Variants in GADL1 observed in about 807,000 individuals in gnomAD.
The protein encoded by GADL1 is acidic amino acid decarboxylase GADL1.
A neutral mutation model predicts 69.5 loss-of-function variants in GADL1; 71 were observed. That is an observed-to-expected ratio of 1.02 (90% CI 0.84 to 1.25). The LOEUF is 1.25. GADL1 is among the 50% of genes most tolerant of loss of function. GADL1 has a pLI of 0.00. For missense variants in GADL1, 737 were observed against 631.8 expected (o/e 1.17, Z -1.79); for synonymous variants, 254 against 214.4 (o/e 1.18, Z -1.62).
At position 30,727,556 on chromosome 3, in the gene GADL1, C is replaced by G. The variant is rs567642720; in HGVS notation, c.*686G>C. The G allele has an allele frequency of 1.1e-4, 17 of 152,178 alleles. No homozygotes were observed. In the South Asian group the frequency reaches 3.1e-3, roughly 28 times the overall value. 9.4% of individuals were successfully genotyped at this position (152,178 alleles called of 1,614,324 possible). ...ATACAGTTTCTCTCTTTAAAAATAGCTTTGACATGCTTCTGATGTCCTTAA... is the reference window on the plus strand; with the variant it reads ...ATACAGTTTCTCTCTTTAAAAATAGGTTTGACATGCTTCTGATGTCCTTAA... On this transcript the variant is annotated 3_prime_UTR_variant, in exon 15 of 15. Coordinates refer to ENST00000282538, the MANE Select transcript of GADL1 (RefSeq NM_207359.3).
intron 14 of GADL1, among the ~76,000 whole-genome samples, chr3:30,741,007 A>G (rs1331867311): frequency 1.1e-5 from 1 of 93,758 alleles, no homozygotes; most frequent in Non-Finnish European, 1.9e-5. Flanking sequence ...ATTAATATAT[A>G]TTATATATTA....
chr3:30,870,553 G>A (rs140946316), intron 1 of GADL1, among the ~76,000 whole-genome samples: 3 of 151,788 alleles, frequency 2.0e-5, no homozygotes, highest in African/African-American at 4.8e-5. Context: ...AAACAGAGGA[G>A]TAACATGAAC....
chr3:30,767,998 TGA>T (rs1559493847), intron 14 of GADL1, among the ~76,000 whole-genome samples: 1 of 151,052 alleles, frequency 6.6e-6, no homozygotes, highest in Non-Finnish European at 1.5e-5. Flanking sequence ...AAAATAAACT[TGA>T]GATAGGATTT....
chr3:30,806,737 T>G (rs572513734), intron 11 of GADL1, among the ~76,000 whole-genome samples: 2 of 152,194 alleles, frequency 1.3e-5, no homozygotes, highest in South Asian at 4.2e-4. Flanking sequence ...AGCTGAAAAG[T>G]GAGGGACAGC....
intron 4 of GADL1, among the ~76,000 whole-genome samples, chr3:30,852,107 T>A (rs974529339): frequency 1.1e-4 from 17 of 152,282 alleles, no homozygotes; most frequent in Middle Eastern, 3.4e-3. Flanking sequence ...TATTTTAACA[T>A]CTGGAAAGGA....
chr3:30,743,449 C>T (rs1695655220), intron 14 of GADL1, among the ~76,000 whole-genome samples: 1 of 152,252 alleles, frequency 6.6e-6, no homozygotes, highest in African/African-American at 2.4e-5. Context: ...CAAGCTGTCA[C>T]AGCGCCTGCT....
At chr3:30,804,223 A>C (rs1471272464) in intron 11 of GADL1, among the ~76,000 whole-genome samples, 1 of 152,178 alleles carries the variant, frequency 6.6e-6, no homozygotes, top group Non-Finnish European at 1.5e-5. Context: ...ATGTCCTTTC[A>C]TCTTGTTCTA....
chr3:30,841,441 C>T (rs1442620303), intron 8 of GADL1, among the ~76,000 whole-genome samples: 2 of 152,002 alleles, frequency 1.3e-5, no homozygotes, highest in Admixed American at 6.5e-5. Context: ...TGGAATAAAA[C>T]CCTCTATGCT....
chr3:30,747,607 A>T (rs1427829555), intron 14 of GADL1, among the ~76,000 whole-genome samples: 3 of 152,136 alleles, frequency 2.0e-5, no homozygotes, highest in East Asian at 1.9e-4. Flanking sequence ...ATGGATTTTT[A>T]GTTTGTTTGT....
intron 1 of GADL1, among the ~76,000 whole-genome samples, chr3:30,864,855 G>T (rs1698374485): frequency 6.6e-6 from 1 of 151,900 alleles, no homozygotes. Context: ...AAATGCTAGG[G>T]TTACTGCAGT....
rs1241661514 is a variant in GADL1, at chr3:30,850,041, C to T, written c.606G>A (p.Lys202=). 1 of 1,611,904 alleles carries T rather than the reference C, an allele frequency of 6.2e-7. No homozygotes were observed. Among genetic ancestry groups the T allele is most frequent in the East Asian group, 2.2e-5 (1 of 44,788 alleles). The change falls in exon 6 of 15, where the codon AAG becomes AAA. Residue 202 remains lysine (K), a synonymous_variant. Coordinates refer to ENST00000282538, the MANE Select transcript of GADL1 (RefSeq NM_207359.3). ...TTAATCTTGGCGAACCAGACAGCCC[C>T]TTTTCCTTAATATCAGGACAATATT... is the stretch of plus-strand genomic sequence containing the variant. The part of the protein sequence containing the change: ...RYKYCPDIKE[K]GLSGSPRLIL...
intron 8 of GADL1, among the ~76,000 whole-genome samples, chr3:30,841,372 T>C (rs1697963813): frequency 6.6e-6 from 1 of 152,146 alleles, no homozygotes; most frequent in Admixed American, 6.6e-5. Context: ...TTATGTCCGT[T>C]TCATGTACTT....
At chr3:30,761,236 G>A (rs1696122101) in intron 14 of GADL1, among the ~76,000 whole-genome samples, 1 of 149,342 alleles carries the variant, frequency 6.7e-6, no homozygotes, top group Admixed American at 6.8e-5. Context: ...GTTCTATCGT[G>A]GATAGCAATG....
chr3:30,731,821 C>T (rs1359882125), intron 14 of GADL1, among the ~76,000 whole-genome samples: 3 of 152,188 alleles, frequency 2.0e-5, no homozygotes, highest in Non-Finnish European at 4.4e-5. Context: ...AAAGGAAGGT[C>T]TCCCTTGTCT....
intron 1 of GADL1, among the ~76,000 whole-genome samples, chr3:30,889,158 T>C (rs1698751024): frequency 7.1e-6 from 1 of 141,662 alleles, no homozygotes; most frequent in African/African-American, 2.6e-5. Context: ...GGGGAAGCCT[T>C]ACAATCATGG....
chr3:30,798,417 A>G (rs1315731527), intron 12 of GADL1: 3 of 152,656 alleles, frequency 2.0e-5, no homozygotes, highest in African/African-American at 7.2e-5. Context: ...GCAAAAGCAG[A>G]AACCCCTGAT....
At position 30,735,204 on chromosome 3, in the gene GADL1, T is replaced by C. The variant is rs535970634; in HGVS notation, c.1393-6789A>G. Among the ~76,000 whole-genome samples the C allele has an allele frequency of 1.1e-3, 167 of 148,242 alleles. 1 individual carries two copies. Among genetic ancestry groups the C allele is most frequent in the African/African-American group, 3.3e-3 (125 of 37,646 alleles). ...GCATTGTGTAGAAGGGGTCACACTA[T>C]ACAATTTAACCTTCTACGGCAATTG... is the stretch of plus-strand genomic sequence containing the variant. On this transcript the variant is annotated intron_variant, in intron 14 of 14. Coordinates refer to ENST00000282538, the MANE Select transcript of GADL1 (RefSeq NM_207359.3).
At chr3:30,777,936 CTG>C (rs1231185204) in intron 14 of GADL1, among the ~76,000 whole-genome samples, 2 of 152,202 alleles carry the variant, frequency 1.3e-5, no homozygotes, top group Admixed American at 1.3e-4. Context: ...CTGAAGTACA[CTG>C]TGAGCCAGAA....
At chr3:30,850,361 CA>C (rs961304301) in intron 5 of GADL1, among the ~76,000 whole-genome samples, 13 of 151,818 alleles carry the variant, frequency 8.6e-5, no homozygotes, top group Admixed American at 6.6e-4. Context: ...GGCTTTTTTT[CA>C]AACCAAAAGT....
Sources: allele counts gnomAD v4.1 joint callset (sites outside exome capture counted in the v4.1 genomes callset), GRCh38; gene constraint gnomAD v4.1.1; transcripts MANE v1.5; gene names NCBI Gene and HGNC (gene_info 2026-07-23, HGNC 2026-07-21).